The following ACTA2 variants were observed in gnomAD, a reference collection of about 807,000 sequenced individuals.
The protein encoded by ACTA2 is actin alpha 2, smooth muscle, also known as actin, aortic smooth muscle.
A neutral mutation model predicts 39.5 loss-of-function variants in ACTA2; 12 were observed. That is an observed-to-expected ratio of 0.30 (90% CI 0.19 to 0.49). ACTA2 has a LOEUF of 0.49. Ranked by LOEUF, ACTA2 falls within the 20% of genes least tolerant of loss-of-function variation. The pLI is 0.99. For synonymous variants in ACTA2, 158 were observed against 180.6 expected (o/e 0.88, Z 1.00); for missense variants, 236 against 498.8 (o/e 0.47, Z 5.02).
intron 1 of ACTA2, among the ~76,000 whole-genome samples, chr10:88,976,857 ATAT>A (rs1846576246): frequency 6.6e-6 from 1 of 152,234 alleles, no homozygotes; most frequent in Non-Finnish European, 1.5e-5. Context: ...CTTTCATTAA[ATAT>A]TATTAGAGCT....
At chr10:88,947,057 C>A (rs1845963684) in intron 3 of ACTA2, 1 of 652,972 alleles carries the variant, frequency 1.5e-6, no homozygotes, top group South Asian at 2.0e-5. Context: ...CATGTCCCTA[C>A]AAAGGACATG....
At chr10:88,938,275 T>G in intron 7 of ACTA2, 33 bp from the exon 8 acceptor site, 1 of 1,613,124 alleles carries the variant, frequency 6.2e-7, no homozygotes, top group Non-Finnish European at 8.5e-7. Context: ...GGTCCTTAAG[T>G]GGAGAGTAAA....
At chr10:88,975,031 G>A (rs370437388) in intron 1 of ACTA2, 4 of 152,130 alleles carry the variant, frequency 2.6e-5, no homozygotes, top group African/African-American at 9.6e-5. Context: ...GATGCAAATT[G>A]TTTACTGTAA....
At chr10:88,988,835 G>T (rs1847001804) in intron 1 of ACTA2, among the ~76,000 whole-genome samples, 2 of 152,130 alleles carry the variant, frequency 1.3e-5, no homozygotes, top group African/African-American at 4.8e-5. Flanking sequence ...CATACTAAGG[G>T]CCCTGAGAAG....
intron 1 of ACTA2, among the ~76,000 whole-genome samples, chr10:88,957,780 T>C (rs1456840437): frequency 6.6e-6 from 1 of 152,086 alleles, no homozygotes; most frequent in Non-Finnish European, 1.5e-5. Context: ...CCACTTCTTT[T>C]TTTTTGAGCT....
upstream of ACTA2, among the ~76,000 whole-genome samples, chr10:88,957,454 A>G (rs1564651371): frequency 1.3e-5 from 2 of 152,174 alleles, no homozygotes; most frequent in Non-Finnish European, 2.9e-5. Context: ...ATTCCTGGAA[A>G]AGAAGGAAAA....
intron 1 of ACTA2, among the ~76,000 whole-genome samples, chr10:88,970,848 C>T (rs888380002): frequency 1.3e-5 from 2 of 151,718 alleles, no homozygotes; most frequent in East Asian, 3.9e-4. Context: ...TGCACATGTA[C>T]CCTAGAACTT....
intron 1 of ACTA2, among the ~76,000 whole-genome samples, chr10:88,979,306 G>T (rs755580817): frequency 6.6e-6 from 1 of 152,070 alleles, no homozygotes; most frequent in Non-Finnish European, 1.5e-5. Flanking sequence ...CGGCTCTGCC[G>T]CAGGGTGCCT....
At chr10:88,935,924 C>G (rs1564641550) in intron 8 of ACTA2, among the ~76,000 whole-genome samples, 1 of 152,170 alleles carries the variant, frequency 6.6e-6, no homozygotes, top group Non-Finnish European at 1.5e-5. Context: ...ACTGGTTGGC[C>G]TTTCCCAGTG....
At position 88,939,517 on chromosome 10, in the gene ACTA2, T is replaced by C. The variant is rs776366994; in HGVS notation, c.798A>G (p.Pro266=). 1 of 1,613,322 alleles carries C rather than the reference T, an allele frequency of 6.2e-7. No individual in the cohort carries two copies. The highest frequency in any genetic ancestry group is 1.1e-5 in the South Asian group (1 of 91,038). The part of the protein sequence containing the change: ...RFRCPETLFQ[P]SFIGMESAGI... ...GCGTTTGTTGCCTACCGATGAAGGATGGCTGGAACAGGGTCTCTGGGCAGC... is the reference window on the plus strand; with the variant it reads ...GCGTTTGTTGCCTACCGATGAAGGACGGCTGGAACAGGGTCTCTGGGCAGC... The change falls in exon 7 of 9, where the codon CCA becomes CCG. Residue 266 remains proline (P), a synonymous_variant. Transcript: ENST00000224784.
chr10:88,966,917 G>A (rs1846328303), intron 1 of ACTA2, among the ~76,000 whole-genome samples: 1 of 152,186 alleles, frequency 6.6e-6, no homozygotes, highest in Non-Finnish European at 1.5e-5. Context: ...TGGAAGCTTA[G>A]GATACCATTA....
At chr10:88,969,067 G>A (rs902880587) in intron 1 of ACTA2, among the ~76,000 whole-genome samples, 1 of 151,970 alleles carries the variant, frequency 6.6e-6, no homozygotes, top group African/African-American at 2.4e-5. Flanking sequence ...CTGTTATCTG[G>A]GTTGTATTAC....
In ACTA2 at chr10:88,990,625, G is replaced by A. The variant is rs1221131310; in HGVS notation, c.-24+314C>T. The stretch of plus-strand genomic sequence containing the variant: ...CTTCCTTCCCATCCTCCTGACCACC[G>A]GGGCTTTTCGTGAGCTCGTCTCTGA... On this transcript the variant is annotated intron_variant, in intron 1 of 4. Transcript: ENST00000415557. This position sits in a 1 kb window ranked among gnomAD's most constrained non-coding sequence, Gnocchi z 4.9. 7.3e-6 allele frequency: 5 copies of A among 688,956 alleles called. No homozygotes were observed. The highest frequency in any genetic ancestry group is 1.3e-5 in the Non-Finnish European group (5 of 377,850). 42.7% of individuals were successfully genotyped at this position (688,956 alleles called of 1,614,324 possible).
At chr10:88,955,744 C>G (rs893802846), upstream of ACTA2, among the ~76,000 whole-genome samples, 1 of 152,076 alleles carries the variant, frequency 6.6e-6, no homozygotes, top group Admixed American at 6.6e-5. Flanking sequence ...GTGAGAAAAA[C>G]CATGCAACAT....
Position 88,991,323 on chromosome 10 carries a change from A to G in ACTA2, c.-408T>C, listed in dbSNP as rs999852376. ...GCGGAACTCCTGGACAAGCCCTGACAAGCCAAGCCAAAGGTCCGCTCCGGC... is the reference window on the plus strand; with the variant it reads ...GCGGAACTCCTGGACAAGCCCTGACGAGCCAAGCCAAAGGTCCGCTCCGGC... On this transcript the variant is annotated 5_prime_UTR_variant, in exon 1 of 5. Coordinates refer to the ACTA2 transcript ENST00000415557. 8.8e-6 allele frequency: 3 copies of G among 340,768 alleles called. No individual in the cohort carries two copies. The Admixed American group carries it at 1.4e-4, about 15-fold the overall frequency. The allele number at this position is 340,768 out of a possible 1,614,324, so 21.1% of individuals were successfully genotyped here.
At position 88,939,293 on chromosome 10, in the gene ACTA2, A is replaced by T. The variant is rs188350420; in HGVS notation, c.808+214T>A. On this transcript the variant is annotated intron_variant, in intron 7 of 8. Coordinates refer to ENST00000224784, the MANE Select transcript of ACTA2 (RefSeq NM_001613.4). ...ATACACCATGAATGCTTTGGGCTTAACTGCAACATAGATAGTGTTTTCTTA... is the reference window on the plus strand; with the variant it reads ...ATACACCATGAATGCTTTGGGCTTATCTGCAACATAGATAGTGTTTTCTTA... 4.7e-5 allele frequency: 29 copies of T among 614,944 alleles called. 1 individual carries two copies. The highest frequency in any genetic ancestry group is 4.5e-4 in the Admixed American group (17 of 37,446). The allele number at this position is 614,944 out of a possible 1,614,324, so 38.1% of individuals were successfully genotyped here.
intron 5 of ACTA2, 21 bp downstream of exon 5, chr10:88,941,764 C>T (rs932988356): frequency 1.9e-6 from 3 of 1,602,666 alleles, no homozygotes; most frequent in Non-Finnish European, 2.6e-6. Context: ...AACCAGCTTG[C>T]TGTCCCGCCC....
intron 1 of ACTA2, among the ~76,000 whole-genome samples, chr10:88,960,709 A>G (rs1846211323): frequency 8.1e-6 from 1 of 123,634 alleles, no homozygotes; most frequent in African/African-American, 2.8e-5. Context: ...TAGAGCTACA[A>G]TACCATTATT....
intron 1 of ACTA2, among the ~76,000 whole-genome samples, chr10:88,985,869 T>C (rs1198669181): frequency 6.6e-6 from 1 of 152,200 alleles, no homozygotes; most frequent in Non-Finnish European, 1.5e-5. Context: ...AAGCCAACCT[T>C]TCCAGAAGTA....
Sources: gnomAD v4.1 joint callset for allele counts (sites outside exome capture counted in the v4.1 genomes callset) on GRCh38, gnomAD v4.1.1 for gene constraint, Gnocchi (gnomAD v3.1) non-coding constraint, MANE v1.5 for transcripts, NCBI Gene and HGNC (gene_info 2026-07-23, HGNC 2026-07-21) for gene names.